NEGR1: variants seen among roughly 807,000 people sequenced by gnomAD.
NEGR1 encodes the protein neuronal growth regulator 1.
NEGR1 carries 10 observed loss-of-function variants against 40.9 expected under a neutral mutation model. That is an observed-to-expected ratio of 0.24 (90% CI 0.15 to 0.42). NEGR1 has a LOEUF of 0.42. Among genes scored for constraint, NEGR1 ranks in the 10% least tolerant of loss-of-function variants. The pLI is 1.00. For synonymous variants in NEGR1, 185 were observed against 166.8 expected, an observed-to-expected ratio of 1.11 and a Z score of -0.84; for missense variants, 352 against 438.9, an observed-to-expected ratio of 0.80 and a Z score of 1.77.
chr1:71,904,929 G>A (rs1006611346), intron 2 of NEGR1, among the ~76,000 whole-genome samples: 2 of 152,084 alleles, frequency 1.3e-5, no homozygotes, highest in African/African-American at 4.8e-5. Context: ...TACATACAAA[G>A]CTTCCAATAC....
intron 3 of NEGR1, among the ~76,000 whole-genome samples, chr1:71,723,741 A>T (rs1654584599): frequency 6.6e-6 from 1 of 152,144 alleles, no homozygotes; most frequent in Non-Finnish European, 1.5e-5. Context: ...AGGAAATTAC[A>T]GAACCAGAGA....
At chr1:72,277,744 T>C (rs1430206901) in intron 1 of NEGR1, among the ~76,000 whole-genome samples, 1 of 152,136 alleles carries the variant, frequency 6.6e-6, no homozygotes, top group Non-Finnish European at 1.5e-5. Flanking sequence ...TTAATAAACA[T>C]ATAGGTTTTA....
intron 6 of NEGR1, among the ~76,000 whole-genome samples, chr1:71,409,294 T>C (rs1393633247): frequency 6.6e-6 from 1 of 151,988 alleles, no homozygotes; most frequent in Non-Finnish European, 1.5e-5. Context: ...GTAGTTATGC[T>C]AGAGTTGTTT....
intron 1 of NEGR1, among the ~76,000 whole-genome samples, chr1:72,091,347 TCA>T (rs1441046790): frequency 1.3e-4 from 19 of 142,854 alleles, no homozygotes; most frequent in African/African-American, 3.3e-4. Flanking sequence ...TTTCTCTCTC[TCA>T]GTTTCCCTCC....
chr1:71,448,425 C>T (rs1314674929), intron 6 of NEGR1, among the ~76,000 whole-genome samples: 1 of 152,116 alleles, frequency 6.6e-6, no homozygotes, highest in East Asian at 1.9e-4. Flanking sequence ...ATGGCAAAAC[C>T]GCATCTCTAC....
intron 6 of NEGR1, among the ~76,000 whole-genome samples, chr1:71,553,127 T>C (rs1237013077): frequency 1.3e-5 from 2 of 151,534 alleles, no homozygotes; most frequent in African/African-American, 2.4e-5. Flanking sequence ...GAGTATATAC[T>C]TTCTAGAAAT....
At chr1:71,809,936 G>A (rs1657929717) in intron 2 of NEGR1, among the ~76,000 whole-genome samples, 1 of 152,064 alleles carries the variant, frequency 6.6e-6, no homozygotes, top group South Asian at 2.1e-4. Flanking sequence ...TTGCATGAAG[G>A]GAAACTAAAA....
At chr1:71,519,860 C>T (rs1443099551) in intron 6 of NEGR1, among the ~76,000 whole-genome samples, 2 of 151,650 alleles carry the variant, frequency 1.3e-5, no homozygotes, top group African/African-American at 2.4e-5. Context: ...TGTAGGAATA[C>T]ATTTTAAGAG....
In NEGR1 at chr1:71,838,922, G is replaced by A. The variant is rs188622862; in HGVS notation, c.410-62625C>T. On this transcript the variant is annotated intron_variant, in intron 2 of 6. Transcript: ENST00000357731. ...AGATATTTTGAATAGTTAATATAAA[G>A]TTGATTTGATATTCTGTAATGGAGT... 2.6e-3 allele frequency among the ~76,000 whole-genome samples: 388 copies of A among 152,138 alleles called. 2 individuals carry two copies. The highest frequency in any genetic ancestry group is 9.1e-3 in the African/African-American group (378 of 41,538).
chr1:72,028,962 C>T (rs1200063067), intron 1 of NEGR1, among the ~76,000 whole-genome samples: 1 of 152,024 alleles, frequency 6.6e-6, no homozygotes, highest in East Asian at 1.9e-4. Context: ...AAGAATTGAG[C>T]ACTTGTAAAA....
chr1:71,479,742 A>G (rs1646842789), intron 6 of NEGR1, among the ~76,000 whole-genome samples: 1 of 152,018 alleles, frequency 6.6e-6, no homozygotes, highest in African/African-American at 2.4e-5. Context: ...AACTATTTGT[A>G]TTCTCTCATT....
At chr1:71,613,521 C>T (rs535298888) in intron 4 of NEGR1, among the ~76,000 whole-genome samples, 3 of 151,994 alleles carry the variant, frequency 2.0e-5, no homozygotes, top group Admixed American at 6.6e-5. Flanking sequence ...GTGGTGGGCA[C>T]CTGTAATCCC....
At chr1:71,542,818 G>C (rs973794535) in intron 6 of NEGR1, among the ~76,000 whole-genome samples, 1 of 151,738 alleles carries the variant, frequency 6.6e-6, no homozygotes, top group Admixed American at 6.6e-5. Flanking sequence ...ATGAGAGCAA[G>C]TGACTAAAGA....
At chr1:71,538,908 G>A (rs571536061) in intron 6 of NEGR1, among the ~76,000 whole-genome samples, 1 of 151,716 alleles carries the variant, frequency 6.6e-6, no homozygotes, top group African/African-American at 2.4e-5. Context: ...GACTCTAACC[G>A]AAGCTCCAGA....
At chr1:72,201,379 T>C (rs191219164) in intron 1 of NEGR1, among the ~76,000 whole-genome samples, 1 of 151,658 alleles carries the variant, frequency 6.6e-6, no homozygotes, top group Non-Finnish European at 1.5e-5. Flanking sequence ...ATACAAAATA[T>C]CAGTATTTTA....
intron 1 of NEGR1, among the ~76,000 whole-genome samples, chr1:72,072,136 T>G (rs956745987): frequency 6.6e-6 from 1 of 152,176 alleles, no homozygotes; most frequent in Non-Finnish European, 1.5e-5. Flanking sequence ...TCTAATATGA[T>G]CTCCTTAGTT....
intron 2 of NEGR1, among the ~76,000 whole-genome samples, chr1:71,817,287 C>T (rs1424051809): frequency 6.6e-6 from 1 of 152,076 alleles, no homozygotes; most frequent in Non-Finnish European, 1.5e-5. Flanking sequence ...AAACAGCCCA[C>T]ATTCAATGGT....
chr1:71,937,971 G>A (rs1299636658), intron 1 of NEGR1, among the ~76,000 whole-genome samples: 1 of 151,864 alleles, frequency 6.6e-6, no homozygotes, highest in African/African-American at 2.4e-5. Context: ...GCATGACATG[G>A]GCTGCCACAG....
intron 1 of NEGR1, among the ~76,000 whole-genome samples, chr1:72,050,237 TTAAC>T (rs896036895): frequency 2.0e-5 from 3 of 151,608 alleles, no homozygotes; most frequent in Non-Finnish European, 4.4e-5. Context: ...ATTAAAATCT[TTAAC>T]AAATAAATAT....
Sources: allele counts gnomAD v4.1 joint callset (sites outside exome capture counted in the v4.1 genomes callset), GRCh38; gene constraint gnomAD v4.1.1; transcripts MANE v1.5; gene names NCBI Gene and HGNC (gene_info 2026-07-23, HGNC 2026-07-21).